The following EPHB2 variants were observed in gnomAD, a reference collection of about 807,000 sequenced individuals.
EPHB2 encodes the protein EPH receptor B2, also known as ephrin type-B receptor 2.
EPHB2 carries 18 observed loss-of-function variants against 96.4 expected under a neutral mutation model. That is an observed-to-expected ratio of 0.19 (90% CI 0.13 to 0.28). EPHB2 has a LOEUF of 0.28. Ranked by LOEUF, EPHB2 falls within the 10% of genes least tolerant of loss-of-function variation. The probability of loss-of-function intolerance (pLI) is 1.00; values close to 1 mark genes in which losing one functional copy is unlikely to be tolerated. For missense variants in EPHB2, 989 were observed against 1,355.4 expected (o/e 0.73, Z 4.25); for synonymous variants, 506 against 534.1 (o/e 0.95, Z 0.72).
At chr1:22,766,110 C>T (rs186087175) in intron 1 of EPHB2, among the ~76,000 whole-genome samples, 10 of 152,350 alleles carry the variant, frequency 6.6e-5, no homozygotes, top group Middle Eastern at 3.4e-3. Flanking sequence ...TGAACACTCC[C>T]TCCCAGGCCC....
In EPHB2 at chr1:22,781,482, A is replaced by G. The variant is rs1644532220; in HGVS notation, c.123A>G (p.Ser41=). 1 of 1,613,992 alleles carries G rather than the reference A, an allele frequency of 6.2e-7. No individual in the cohort carries two copies. The highest frequency in any genetic ancestry group is 2.2e-5 in the East Asian group (1 of 44,862). The part of the protein sequence containing the change: ...AELGWMVHPP[S]GWEEVSGYDE... ...TGGGCTGGATGGTGCATCCTCCATC[A>G]GGGGTGAGTCAGTGGTCCCCAAACC... The change falls in exon 2 of 16, where the codon TCA becomes TCG. Residue 41 remains serine, a synonymous_variant. Transcript: ENST00000374630.
At chr1:22,897,608 G>A (rs1374432509) in intron 9 of EPHB2, among the ~76,000 whole-genome samples, 3 of 151,812 alleles carry the variant, frequency 2.0e-5, no homozygotes, top group Admixed American at 2.0e-4. Context: ...CCAACATGGA[G>A]AAATGCTGTC....
In EPHB2 at chr1:22,893,480, A is replaced by G. The variant is rs149502115; in HGVS notation, c.1591+434A>G. ...TCAGCAGGAAGAAGTTCTGGGATAG[A>G]TTAGTACTGTCTGCTCCAGGCAAGG... is the stretch of plus-strand genomic sequence containing the variant. On this transcript the variant is annotated intron_variant, in intron 7 of 15. Coordinates refer to ENST00000374630, the MANE Select transcript of EPHB2 (RefSeq NM_017449.5). Among the ~76,000 whole-genome samples, 14 of 152,326 alleles carry G rather than the reference A, an allele frequency of 9.2e-5. No homozygotes were observed. The East Asian group carries it at 2.7e-3, about 29-fold the overall frequency.
intron 14 of EPHB2, among the ~76,000 whole-genome samples, chr1:22,911,089 G>A (rs1217620405): frequency 6.6e-6 from 1 of 151,768 alleles, no homozygotes; most frequent in Non-Finnish European, 1.5e-5. Context: ...GCAGTGAGCT[G>A]AGATCGTGCC....
intron 2 of EPHB2, among the ~76,000 whole-genome samples, chr1:22,783,791 G>T (rs1644569050): frequency 6.6e-6 from 1 of 152,150 alleles, no homozygotes; most frequent in Non-Finnish European, 1.5e-5. Flanking sequence ...AGGCAGGAAG[G>T]GTGGGCGGCC....
chr1:22,721,610 C>T (rs1643468188), intron 1 of EPHB2, among the ~76,000 whole-genome samples: 1 of 151,954 alleles, frequency 6.6e-6, no homozygotes, highest in Non-Finnish European at 1.5e-5. Context: ...TTGCAAAGTT[C>T]TTTTTTTTCC....
At chr1:22,863,863 T>C (rs1413224811) in intron 4 of EPHB2, among the ~76,000 whole-genome samples, 2 of 152,120 alleles carry the variant, frequency 1.3e-5, no homozygotes, top group Non-Finnish European at 2.9e-5. Context: ...ATACCTGGGA[T>C]TACAGGCGTG....
At chr1:22,739,302 G>A (rs988191785) in intron 1 of EPHB2, among the ~76,000 whole-genome samples, 5 of 151,884 alleles carry the variant, frequency 3.3e-5, no homozygotes, top group Admixed American at 1.3e-4. Flanking sequence ...TGCAACCTCC[G>A]CCTCCCAGGT....
rs1265122460 is a variant in EPHB2, at chr1:22,913,483, C to T, written c.2874C>T (p.Val958=). ...AAAGGGACATTCTCCGGGTTGGGGTCACTTTGGCTGGCCACCAGAAAAAAA... is the reference window on the plus strand; with the variant it reads ...AAAGGGACATTCTCCGGGTTGGGGTTACTTTGGCTGGCCACCAGAAAAAAA... The part of the protein sequence containing the change: ...MMMEDILRVG[V]TLAGHQKKIL... The change falls in exon 16 of 16, where the codon GTC becomes GTT. Residue 958 remains valine, a synonymous_variant. Transcript: ENST00000374630. The surrounding 1 kb of genome is among the most constrained non-coding windows in gnomAD (Gnocchi z 4.1). 6.2e-7 allele frequency: 1 copy of T among 1,614,180 alleles called. No homozygotes were observed. Among genetic ancestry groups the T allele is most frequent in the Admixed American group, 1.7e-5 (1 of 60,022 alleles).
At chr1:22,909,418 C>T (rs571723951) in intron 13 of EPHB2, among the ~76,000 whole-genome samples, 74 of 152,352 alleles carry the variant, frequency 4.9e-4, no homozygotes, top group African/African-American at 1.6e-3. Context: ...GTCTTCAGGA[C>T]GCATGCACCT....
rs190752434 is a variant in EPHB2 at position 22,768,144 on chromosome 1, C to T, written c.62-13277C>T. Reference sequence around the variant, plus strand: ...GCAGGCATTCTGGAAACGTCTCCTCCGAGGCAGCAGCCTCTCTCAGAAAGA... The same window carrying T: ...GCAGGCATTCTGGAAACGTCTCCTCTGAGGCAGCAGCCTCTCTCAGAAAGA... On this transcript the variant is annotated intron_variant, in intron 1 of 15. Coordinates refer to ENST00000374630, the MANE Select transcript of EPHB2 (RefSeq NM_017449.5). Among the ~76,000 whole-genome samples the T allele has an allele frequency of 2.0e-3, 306 of 152,288 alleles. 2 individuals are homozygous for T. Among genetic ancestry groups the T allele is most frequent in the Non-Finnish European group, 3.4e-3 (233 of 68,034 alleles).
At chr1:22,758,135 G>A (rs1644181410) in intron 1 of EPHB2, among the ~76,000 whole-genome samples, 1 of 144,608 alleles carries the variant, frequency 6.9e-6, no homozygotes, top group African/African-American at 2.5e-5. Context: ...AGCCAGGATG[G>A]TCTCAATCTC....
chr1:22,870,509 G>A (rs1638628833), intron 5 of EPHB2, among the ~76,000 whole-genome samples: 1 of 152,176 alleles, frequency 6.6e-6, no homozygotes. Context: ...CAGGAGGGAG[G>A]GACAGAGGCT....
intron 1 of EPHB2, among the ~76,000 whole-genome samples, chr1:22,751,695 G>A (rs1308719499): frequency 6.6e-6 from 1 of 152,194 alleles, no homozygotes; most frequent in East Asian, 1.9e-4. Context: ...CCTGCAAGCT[G>A]TGCCATCCTC....
intron 1 of EPHB2, among the ~76,000 whole-genome samples, chr1:22,731,391 A>T (rs1185194664): frequency 2.6e-5 from 4 of 152,110 alleles, no homozygotes; most frequent in Admixed American, 1.3e-4. Context: ...CTGCAGTCAC[A>T]CCAGTTGGGT....
chr1:22,902,924 G>A (rs1283976216), intron 9 of EPHB2, among the ~76,000 whole-genome samples: 1 of 152,212 alleles, frequency 6.6e-6, no homozygotes, highest in African/African-American at 2.4e-5. Context: ...ATTTGATCTG[G>A]TCACAAAAAG....
intron 3 of EPHB2, among the ~76,000 whole-genome samples, chr1:22,830,324 C>T (rs1645286996): frequency 6.6e-6 from 1 of 152,270 alleles, no homozygotes; most frequent in East Asian, 1.9e-4. Context: ...AAGTTCTTTG[C>T]AGTCTCTGTA....
intron 3 of EPHB2, among the ~76,000 whole-genome samples, chr1:22,804,468 C>T (rs1347499786): frequency 1.3e-5 from 2 of 152,106 alleles, no homozygotes; most frequent in African/African-American, 4.8e-5. Flanking sequence ...GAGATCAAGA[C>T]GAGACACCCC....
At chr1:22,879,916 A>G (rs1445055598) in intron 5 of EPHB2, among the ~76,000 whole-genome samples, 1 of 152,238 alleles carries the variant, frequency 6.6e-6, no homozygotes, top group Non-Finnish European at 1.5e-5. Flanking sequence ...TCAGGGCCGC[A>G]TGGACCAGGG....
Sources: allele counts gnomAD v4.1 joint callset (sites outside exome capture counted in the v4.1 genomes callset), GRCh38; gene constraint gnomAD v4.1.1; non-coding constraint Gnocchi (gnomAD v3.1); transcripts MANE v1.5; gene names NCBI Gene and HGNC (gene_info 2026-07-23, HGNC 2026-07-21).